Variants in MGST1 observed in about 807,000 individuals in gnomAD.
The protein encoded by MGST1 is glutathione S-transferase 12.
In MGST1, 5 loss-of-function variants were observed where a neutral mutation model predicts 8.9. The observed-to-expected ratio is 0.56, with a 90% confidence interval of 0.29 to 1.19. The LOEUF is 1.19. Ranked by LOEUF, MGST1 falls within the 50% of genes most tolerant of loss-of-function variation. MGST1 has a pLI of 0.08. For synonymous variants in MGST1, 54 were observed against 67.8 expected (o/e 0.80, Z 1.00); for missense variants, 182 against 187.4 (o/e 0.97, Z 0.17).
At position 16,582,061 on chromosome 12, in the gene MGST1, CT is replaced by C. The variant is rs1258968835; in HGVS notation, n.483-7462del. On this transcript the variant is annotated intron_variant and non_coding_transcript_variant, in intron 4 of 4. Coordinates refer to the MGST1 transcript ENST00000538857. The surrounding 1 kb of genome is among the most constrained non-coding windows in gnomAD (Gnocchi z 4.1). ...GAGGGACAATAATGAGTATCCCTGG[CT>C]TTTTCTTGGCTTTAATGGAAATTAC... 6.6e-6 allele frequency among the ~76,000 whole-genome samples: 1 copy of C among 152,036 alleles called. No homozygotes were observed. The highest frequency in any genetic ancestry group is 1.5e-5 in the Non-Finnish European group (1 of 67,990).
Position 16,401,369 on chromosome 12 carries a change from C to T in MGST1, n.778+17765C>T, listed in dbSNP as rs182514847. Reference sequence around the variant, plus strand: ...AAGCTTTCATGGAATTCAATTCCCACCCCAAATCCTAGGTTTCTGGTAATT... The same window carrying T: ...AAGCTTTCATGGAATTCAATTCCCATCCCAAATCCTAGGTTTCTGGTAATT... On this transcript the variant is annotated intron_variant and non_coding_transcript_variant, in intron 1 of 1. Transcript: ENST00000359720. The surrounding 1 kb of genome is among the most constrained non-coding windows in gnomAD (Gnocchi z 4.3). The T allele has an allele frequency of 1.9e-4, 227 of 1,178,832 alleles. 4 individuals are homozygous for T. In the Admixed American group the frequency reaches 3.1e-3, roughly 16 times the overall value. The allele number at this position is 1,178,832 out of a possible 1,614,324, so 73.0% of individuals were successfully genotyped here.
intron 4 of MGST1, among the ~76,000 whole-genome samples, chr12:16,479,709 A>AT (rs1418815758): frequency 1.3e-5 from 2 of 151,098 alleles, no homozygotes; most frequent in Non-Finnish European, 2.9e-5. Flanking sequence ...AATTTTTAAA[A>AT]TTTTTTGTAG....
In MGST1 at chr12:16,517,659, T is replaced by A. The variant is rs1395475019; in HGVS notation, n.483-71869T>A. Among the ~76,000 whole-genome samples the A allele has an allele frequency of 6.6e-6, 1 of 152,186 alleles. No homozygotes were observed. Among genetic ancestry groups the A allele is most frequent in the Non-Finnish European group, 1.5e-5 (1 of 68,026 alleles). On this transcript the variant is annotated intron_variant and non_coding_transcript_variant, in intron 4 of 4. Transcript: ENST00000538857. This position sits in a 1 kb window ranked among gnomAD's most constrained non-coding sequence, Gnocchi z 4.2. ...TAAGCAAATCATGGAACAATGGCCA[T>A]GACAGAGTGTTGCAAGCCAACTTGG...
At chr12:16,438,492 ATG>A (rs1330987946) in exon 2 of MGST1, 1 of 151,876 alleles carries the variant, frequency 6.6e-6, no homozygotes, top group Non-Finnish European at 1.5e-5. Context: ...GGGTTAACAT[ATG>A]AATAGAGATT....
At chr12:16,558,639 T>C (rs1942278671) in intron 4 of MGST1, among the ~76,000 whole-genome samples, 1 of 152,126 alleles carries the variant, frequency 6.6e-6, no homozygotes, top group Admixed American at 6.5e-5. Flanking sequence ...CAGTACTTGC[T>C]GGGAAGAGTC....
At chr12:16,520,671 G>T (rs570557786) in intron 4 of MGST1, among the ~76,000 whole-genome samples, 20 of 152,230 alleles carry the variant, frequency 1.3e-4, no homozygotes, top group Admixed American at 5.2e-4. Context: ...CCTCTGCATT[G>T]TCTTCTCCCT....
intron 4 of MGST1, among the ~76,000 whole-genome samples, chr12:16,476,503 A>G (rs1480177611): frequency 6.6e-6 from 1 of 152,212 alleles, no homozygotes; most frequent in South Asian, 2.1e-4. Flanking sequence ...TGCTGGATAA[A>G]CAAAGATGAC....
At chr12:16,525,433 G>A (rs1941679417) in intron 4 of MGST1, among the ~76,000 whole-genome samples, 1 of 151,570 alleles carries the variant, frequency 6.6e-6, no homozygotes, top group Non-Finnish European at 1.5e-5. Flanking sequence ...TGAGAATGAT[G>A]TTTTCCAGTT....
intron 4 of MGST1, among the ~76,000 whole-genome samples, chr12:16,588,782 T>A (rs1200520932): frequency 1.3e-5 from 2 of 152,112 alleles, no homozygotes; most frequent in African/African-American, 4.8e-5. Flanking sequence ...TAGTAGCCTT[T>A]CATATTCTTC....
chr12:16,542,557 C>T (rs1165855402), intron 4 of MGST1, among the ~76,000 whole-genome samples: 1 of 152,226 alleles, frequency 6.6e-6, no homozygotes, highest in African/African-American at 2.4e-5. Flanking sequence ...TCATACTTGA[C>T]CCTTCTTCAT....
chr12:16,387,587 G>T (rs539228051), intron 1 of MGST1, among the ~76,000 whole-genome samples: 3 of 151,506 alleles, frequency 2.0e-5, no homozygotes, highest in Admixed American at 6.6e-5. Context: ...AGTGCAGTGG[G>T]GCTATCTCGG....
rs956548312 is a variant in MGST1 at position 16,546,222 on chromosome 12, C to T, written n.483-43306C>T. On this transcript the variant is annotated intron_variant and non_coding_transcript_variant, in intron 4 of 4. Transcript: ENST00000538857. This position sits in a 1 kb window ranked among gnomAD's most constrained non-coding sequence, Gnocchi z 4.7. ...ACTGTTTTGCTTTAGGTGATTTAAA[C>T]TCTTCTCCAGGAGCAGGGTGAAAAA... Among the ~76,000 whole-genome samples, 2 of 152,114 alleles carry T rather than the reference C, an allele frequency of 1.3e-5. No homozygotes were observed. The highest frequency in any genetic ancestry group is 4.8e-5 in the African/African-American group (2 of 41,434).
chr12:16,520,098 T>C (rs1356085914), intron 4 of MGST1, among the ~76,000 whole-genome samples: 1 of 152,096 alleles, frequency 6.6e-6, no homozygotes, highest in Non-Finnish European at 1.5e-5. Flanking sequence ...TTTGGCAAAA[T>C]ATTTAATCAT....
chr12:16,470,757 T>C (rs1173681095), intron 4 of MGST1, among the ~76,000 whole-genome samples: 1 of 152,074 alleles, frequency 6.6e-6, no homozygotes. Context: ...TTTTAAAAAA[T>C]TACCTTAAAA....
chr12:16,525,047 T>A (rs79787146), intron 4 of MGST1, among the ~76,000 whole-genome samples: 11 of 146,598 alleles, frequency 7.5e-5, no homozygotes, highest in African/African-American at 1.5e-4. Flanking sequence ...TTTTTTTTTT[T>A]ATCAATATGT....
intron 1 of MGST1, among the ~76,000 whole-genome samples, chr12:16,398,865 G>T (rs1940628116): frequency 6.6e-6 from 1 of 152,220 alleles, no homozygotes; most frequent in African/African-American, 2.4e-5. Flanking sequence ...TAGGTTGGAG[G>T]ATTGAATGTG....
chr12:16,532,219 G>T (rs141034879), intron 4 of MGST1, among the ~76,000 whole-genome samples: 4 of 152,230 alleles, frequency 2.6e-5, no homozygotes, highest in Non-Finnish European at 5.9e-5. Context: ...GAAGCCTCTT[G>T]CGGGGGGAGA....
At chr12:16,525,246 T>C (rs981997260) in intron 4 of MGST1, among the ~76,000 whole-genome samples, 1 of 150,258 alleles carries the variant, frequency 6.7e-6, no homozygotes, top group Non-Finnish European at 1.5e-5. Context: ...CTGCACCCAC[T>C]AACTCGTCAT....
chr12:16,524,935 C>A (rs1483856649), intron 4 of MGST1, among the ~76,000 whole-genome samples: 4 of 152,004 alleles, frequency 2.6e-5, no homozygotes, highest in Non-Finnish European at 4.4e-5. Context: ...TGTTGAATAT[C>A]ATCTAATCCC....
Sources: gnomAD v4.1 joint callset for allele counts (sites outside exome capture counted in the v4.1 genomes callset) on GRCh38, gnomAD v4.1.1 for gene constraint, Gnocchi (gnomAD v3.1) non-coding constraint, MANE v1.5 for transcripts, NCBI Gene and HGNC (gene_info 2026-07-23, HGNC 2026-07-21) for gene names.